The following YWHAB variants were observed in gnomAD, a reference collection of about 807,000 sequenced individuals.
The protein encoded by YWHAB is tyrosine 3-monooxygenase/tryptophan 5-monooxygenase activation protein beta.
A neutral mutation model predicts 28.5 loss-of-function variants in YWHAB; 2 were observed. That is an observed-to-expected ratio of 0.07 (90% confidence interval 0.03 to 0.22). YWHAB has a LOEUF of 0.22. Ranked by LOEUF, YWHAB falls within the 10% of genes least tolerant of loss-of-function variation. The probability of loss-of-function intolerance (pLI) is 1.00; values close to 1 mark genes in which losing one functional copy is unlikely to be tolerated. For missense variants in YWHAB, 148 were observed against 297.1 expected, an observed-to-expected ratio of 0.50 and a Z score of 3.69; for synonymous variants, 103 against 104.7, an observed-to-expected ratio of 0.98 and a Z score of 0.10.
intron 2 of YWHAB, chr20:44,903,086 A>G (rs2066636585): frequency 1.0e-6 from 1 of 986,596 alleles, no homozygotes; most frequent in Non-Finnish European, 1.2e-6. Flanking sequence ...ATTGCTCTGT[A>G]TACGAAGCTT....
Position 44,907,566 on chromosome 20 carries a change from C to G in YWHAB, c.*1128C>G, listed in dbSNP as rs2066665763. ...GCTCGGGGCTTTTAAATTTTGAAAT[C>G]TAAACATTCTTTCCCACCATCCTTT... On this transcript the variant is annotated 3_prime_UTR_variant, in exon 6 of 6. Transcript: ENST00000353703. 6.6e-6 allele frequency: 1 copy of G among 152,246 alleles called. No homozygotes were observed. Among genetic ancestry groups the G allele is most frequent in the Non-Finnish European group, 1.5e-5 (1 of 68,040 alleles). 9.4% of individuals were successfully genotyped at this position (152,246 alleles called of 1,614,324 possible).
Position 44,906,551 on chromosome 20 carries a change from T to G in YWHAB, c.*113T>G. On this transcript the variant is annotated 3_prime_UTR_variant, in exon 6 of 6. Coordinates refer to ENST00000353703, the MANE Select transcript of YWHAB (RefSeq NM_139323.4). ...AAGAGAATCGTACGTCGACTTTCGA[T>G]TTTTCACAGCCTCAGCCTAGGAAAA... is the stretch of plus-strand genomic sequence containing the variant. 1.0e-6 allele frequency: 1 copy of G among 958,534 alleles called. No individual in the cohort carries two copies. The highest frequency in any genetic ancestry group is 1.5e-6 in the Non-Finnish European group (1 of 674,426). The allele number at this position is 958,534 out of a possible 1,614,324, so 59.4% of individuals were successfully genotyped here. A position where few individuals can be genotyped will look rare whatever the true frequency, so the allele number is the denominator to read the frequency against.
chr20:44,890,733 ACTC>A (rs748943971), intron 1 of YWHAB, among the ~76,000 whole-genome samples: 91 of 149,678 alleles, frequency 6.1e-4, no homozygotes, highest in Non-Finnish European at 8.9e-4. Context: ...CTGGTCTTGA[ACTC>A]CTGACCTTGC....
intron 1 of YWHAB, chr20:44,887,770 A>G (rs1191279690): frequency 1.3e-5 from 2 of 152,226 alleles, no homozygotes; most frequent in South Asian, 2.1e-4. Context: ...CTTGCCTGCA[A>G]TATTTTCTAG....
chr20:44,887,538 C>G (rs2066535703), intron 1 of YWHAB: 2 of 152,220 alleles, frequency 1.3e-5, no homozygotes, highest in African/African-American at 4.8e-5. Flanking sequence ...CATTTCACAT[C>G]TTGCAGTGCT....
chr20:44,889,475 T>TG (rs2066547686), intron 1 of YWHAB, among the ~76,000 whole-genome samples: 1 of 152,018 alleles, frequency 6.6e-6, no homozygotes, highest in Non-Finnish European at 1.5e-5. Flanking sequence ...TTTTTTTTTT[T>TG]TTAAATTCTG....
At chr20:44,903,965 T>C in intron 2 of YWHAB, 28 bp from the exon 3 acceptor site, 1 of 1,589,310 alleles carries the variant, frequency 6.3e-7, no homozygotes. Flanking sequence ...TGAATAATTC[T>C]AAATTCTTAA....
chr20:44,888,868 T>TA (rs1319158149), intron 1 of YWHAB, among the ~76,000 whole-genome samples: 4 of 152,206 alleles, frequency 2.6e-5, no homozygotes, highest in Non-Finnish European at 5.9e-5. Flanking sequence ...TTGTTTATCT[T>TA]ACGACTTCAT....
intron 1 of YWHAB, among the ~76,000 whole-genome samples, chr20:44,901,133 A>G (rs1231511591): frequency 6.6e-6 from 1 of 152,150 alleles, no homozygotes; most frequent in African/African-American, 2.4e-5. Flanking sequence ...CAGGCAGGTG[A>G]ATTAGGCTAA....
At position 44,906,501 on chromosome 20, in the gene YWHAB, CGATA is replaced by C; in HGVS notation, c.*64_*67del. The C allele has an allele frequency of 1.8e-6, 1 of 563,740 alleles. No homozygotes were observed. The allele number at this position is 563,740 out of a possible 1,614,324, so 34.9% of individuals were successfully genotyped here. A position where few individuals can be genotyped will look rare whatever the true frequency, so the allele number is the denominator to read the frequency against. On this transcript the variant is annotated 3_prime_UTR_variant, in exon 6 of 6. Coordinates refer to ENST00000353703, the MANE Select transcript of YWHAB (RefSeq NM_139323.4). ...GTACCCTCAACATATATCCCTTGTG[CGATA>C]AAAAAAAAAAAAAAAAAAAAAAGAG...
At chr20:44,901,952 GC>G in intron 2 of YWHAB, 119 bp downstream of exon 2, 3 of 1,190,226 alleles carry the variant, frequency 2.5e-6, no homozygotes, top group Non-Finnish European at 3.4e-6. Flanking sequence ...CTGGAAAGCT[GC>G]CAGGTATTTA....
intron 1 of YWHAB, among the ~76,000 whole-genome samples, chr20:44,894,277 T>C (rs2145528417): frequency 6.6e-6 from 1 of 152,340 alleles, no homozygotes; most frequent in East Asian, 1.9e-4. Context: ...TGAGTTTGCC[T>C]GCGCCAGTAT....
At chr20:44,900,955 T>C (rs2066622773) in intron 1 of YWHAB, among the ~76,000 whole-genome samples, 1 of 152,178 alleles carries the variant, frequency 6.6e-6, no homozygotes, top group Non-Finnish European at 1.5e-5. Flanking sequence ...TTTGTATTTT[T>C]AGTAGAGATG....
rs1325721337 is a variant in YWHAB at position 44,901,853 on chromosome 20, G to A, written c.300+20G>A. 8 of 1,569,144 alleles carry A rather than the reference G, an allele frequency of 5.1e-6. No homozygotes were observed. Among genetic ancestry groups the A allele is most frequent in the Non-Finnish European group, 6.9e-6 (8 of 1,152,720 alleles). Reference sequence around the variant, plus strand: ...GTTCTGGTAAGAGGCCAGTGCTTCTGTTTTGAACAGTGGTTTCTAAATAGT... The same window carrying A: ...GTTCTGGTAAGAGGCCAGTGCTTCTATTTTGAACAGTGGTTTCTAAATAGT... On this transcript the variant is annotated intron_variant, in intron 2 of 5. Transcript: ENST00000353703.
At chr20:44,903,739 C>A in intron 2 of YWHAB, 1 of 335,958 alleles carries the variant, frequency 3.0e-6, no homozygotes, top group South Asian at 3.8e-5. Context: ...ATTTTAAAGG[C>A]CTACAAAACA....
intron 3 of YWHAB, among the ~76,000 whole-genome samples, 184 bp from the exon 4 acceptor site, chr20:44,904,784 A>G (rs2066647174): frequency 1.3e-5 from 2 of 152,234 alleles, no homozygotes; most frequent in African/African-American, 4.8e-5. Flanking sequence ...AGCATTTAAT[A>G]TACAACTTGG....
rs185070213 is a variant in YWHAB, at chr20:44,896,947, A to G, written c.-3-4584A>G. 5.0e-4 allele frequency among the ~76,000 whole-genome samples: 76 copies of G among 152,294 alleles called. 1 individual carries two copies. The highest frequency in any genetic ancestry group is 2.5e-3 in the Admixed American group (38 of 15,296). Reference sequence around the variant, plus strand: ...ATGTGTATAATTAAAAATATTTGAAACAGATAAATGGATACAGATTTTAAA... The same window carrying G: ...ATGTGTATAATTAAAAATATTTGAAGCAGATAAATGGATACAGATTTTAAA... On this transcript the variant is annotated intron_variant, in intron 1 of 5. Coordinates refer to ENST00000353703, the MANE Select transcript of YWHAB (RefSeq NM_139323.4).
chr20:44,888,002 G>C (rs1235538552), intron 1 of YWHAB, among the ~76,000 whole-genome samples: 1 of 152,012 alleles, frequency 6.6e-6, no homozygotes, highest in Non-Finnish European at 1.5e-5. Flanking sequence ...TATTATTATA[G>C]GACTTTATTT....
chr20:44,904,246 C>A, intron 3 of YWHAB, 130 bp downstream of exon 3: 1 of 1,227,418 alleles, frequency 8.1e-7, no homozygotes, highest in Non-Finnish European at 1.1e-6. Context: ...TAAAAGACCA[C>A]AGCATTGTGA....
Sources: allele counts gnomAD v4.1 joint callset (sites outside exome capture counted in the v4.1 genomes callset), GRCh38; gene constraint gnomAD v4.1.1; transcripts MANE v1.5; gene names NCBI Gene and HGNC (gene_info 2026-07-23, HGNC 2026-07-21).